The following GPHN variants were observed in gnomAD, a reference collection of about 807,000 sequenced individuals.
GPHN encodes the protein gephyrin.
GPHN carries 17 observed loss-of-function variants against 95.5 expected under a neutral mutation model. The observed-to-expected ratio is 0.18, with a 90% CI of 0.12 to 0.27. The LOEUF is 0.27. Among genes scored for constraint, GPHN ranks in the 10% least tolerant of loss-of-function variants. The pLI is 1.00. For synonymous variants in GPHN, 320 were observed against 322.5 expected, an observed-to-expected ratio of 0.99 and a Z score of 0.08; for missense variants, 660 against 978.1, an observed-to-expected ratio of 0.67 and a Z score of 4.34.
intron 10 of GPHN, among the ~76,000 whole-genome samples, chr14:67,032,667 C>T (rs2074245397): frequency 6.6e-6 from 1 of 152,130 alleles, no homozygotes; most frequent in Admixed American, 6.5e-5. Context: ...AACCTGCAAA[C>T]CTCTCTAATT....
chr14:67,585,171 C>G, the GPHN span: 4 of 171,398 alleles, frequency 2.3e-5, no homozygotes, highest in Non-Finnish European at 3.7e-5. Context: ...GGCTTGGAGA[C>G]TATAGGTGGA....
At chr14:67,650,934 C>T in the GPHN span, 1 of 1,611,666 alleles carries the variant, frequency 6.2e-7, no homozygotes, top group East Asian at 2.2e-5. Flanking sequence ...ACACTGTGCA[C>T]TGACATGTTT....
chr14:67,431,077 TG>T, the GPHN span, among the ~76,000 whole-genome samples: 1 of 152,044 alleles, frequency 6.6e-6, no homozygotes, highest in South Asian at 2.1e-4. Flanking sequence ...TCACCAAATC[TG>T]GGCTAACAAG....
chr14:66,609,407 A>T (rs1427712119), intron 1 of GPHN, among the ~76,000 whole-genome samples: 2 of 151,888 alleles, frequency 1.3e-5, no homozygotes, highest in African/African-American at 4.8e-5. Context: ...GGTGAATCTG[A>T]TGTCTGTGTG....
At chr14:67,672,687 C>T in the GPHN span, among the ~76,000 whole-genome samples, 1 of 152,072 alleles carries the variant, frequency 6.6e-6, no homozygotes, top group East Asian at 1.9e-4. Context: ...AAGTGATCCG[C>T]CCGCCTCGGC....
intron 17 of GPHN, among the ~76,000 whole-genome samples, chr14:67,139,712 T>TCTATACCAACTGCAGAGAG (rs1447125692): frequency 2.0e-5 from 3 of 152,188 alleles, no homozygotes; most frequent in African/African-American, 7.2e-5. Flanking sequence ...CTGGCTGTTG[T>TCTATACCAACTGCAGAGAG]CATATGTTGG....
At chr14:66,611,512 G>GAT (rs2062783364) in intron 1 of GPHN, among the ~76,000 whole-genome samples, 1 of 152,064 alleles carries the variant, frequency 6.6e-6, no homozygotes, top group Non-Finnish European at 1.5e-5. Flanking sequence ...CCATAACAAG[G>GAT]TTATTTTTAA....
At chr14:67,037,836 C>G (rs545925591) in intron 10 of GPHN, among the ~76,000 whole-genome samples, 2 of 151,382 alleles carry the variant, frequency 1.3e-5, no homozygotes, top group South Asian at 4.2e-4. Flanking sequence ...AAATTGGAAC[C>G]CTTGTGCCCT....
At chr14:66,633,559 A>G (rs2063940508) in intron 1 of GPHN, among the ~76,000 whole-genome samples, 1 of 152,172 alleles carries the variant, frequency 6.6e-6, no homozygotes, top group Non-Finnish European at 1.5e-5. Context: ...ATTCCAGTGT[A>G]TGAGGATTTT....
At chr14:67,605,397 C>T in the GPHN span, among the ~76,000 whole-genome samples, 1 of 152,108 alleles carries the variant, frequency 6.6e-6, no homozygotes, top group Non-Finnish European at 1.5e-5. Context: ...ACTCTGTCAC[C>T]CAGGCTAGAG....
At chr14:66,526,567 G>C (rs1268107730) in intron 1 of GPHN, among the ~76,000 whole-genome samples, 2 of 152,142 alleles carry the variant, frequency 1.3e-5, no homozygotes, top group Non-Finnish European at 2.9e-5. Flanking sequence ...GGTTTTCAAA[G>C]GGAATGCTTC....
At chr14:67,411,924 T>C in the GPHN span, 7 of 1,180,358 alleles carry the variant, frequency 5.9e-6, no homozygotes, top group Admixed American at 1.7e-4. Context: ...AACCAGAGCA[T>C]GCCCGTTCCG....
chr14:66,510,999 T>C (rs1380817234), intron 1 of GPHN, among the ~76,000 whole-genome samples: 2 of 152,120 alleles, frequency 1.3e-5, no homozygotes, highest in Non-Finnish European at 1.5e-5. Flanking sequence ...TAAGTGATAA[T>C]AGAGGAAAAT....
the GPHN span, among the ~76,000 whole-genome samples, chr14:67,606,774 G>A: frequency 6.6e-6 from 1 of 152,144 alleles, no homozygotes; most frequent in African/African-American, 2.4e-5. Context: ...AGCCTCCCAA[G>A]TAGCTGGGAC....
the GPHN span, among the ~76,000 whole-genome samples, chr14:67,229,627 A>G: frequency 2.0e-5 from 3 of 152,348 alleles, no homozygotes; most frequent in African/African-American, 7.2e-5. Flanking sequence ...TAAGTGTAAA[A>G]TATACGCCAG....
intron 1 of GPHN, among the ~76,000 whole-genome samples, chr14:66,587,776 G>A (rs1322158575): frequency 6.6e-6 from 1 of 152,200 alleles, no homozygotes; most frequent in East Asian, 1.9e-4. Context: ...CCCTAGGACA[G>A]AGCACCTGGG....
At chr14:67,671,131 G>A in the GPHN span, among the ~76,000 whole-genome samples, 2 of 152,214 alleles carry the variant, frequency 1.3e-5, no homozygotes, top group African/African-American at 2.4e-5. Flanking sequence ...GAATGAGGTA[G>A]TGAATAAGAG....
chr14:67,637,833 T>C, the GPHN span, among the ~76,000 whole-genome samples: 1 of 152,388 alleles, frequency 6.6e-6, no homozygotes. Context: ...CATTGCTAGC[T>C]GTCCACCAAA....
the GPHN span, among the ~76,000 whole-genome samples, chr14:67,468,024 A>T: frequency 6.6e-6 from 1 of 151,914 alleles, no homozygotes; most frequent in Non-Finnish European, 1.5e-5. Flanking sequence ...CCCAGGCTAG[A>T]GTGCAATGGT....
Sources: allele counts gnomAD v4.1 joint callset (sites outside exome capture counted in the v4.1 genomes callset), GRCh38; gene constraint gnomAD v4.1.1; transcripts MANE v1.5; gene names NCBI Gene and HGNC (gene_info 2026-07-23, HGNC 2026-07-21).